The following MAP3K13 variants were observed in gnomAD, a reference collection of about 807,000 sequenced individuals.
The protein encoded by MAP3K13 is mitogen-activated protein kinase kinase kinase 13.
In MAP3K13, 52 loss-of-function variants were observed where a neutral mutation model predicts 104.0. That is an observed-to-expected ratio of 0.50 (90% CI 0.40 to 0.63). The LOEUF is 0.63. Ranked by LOEUF, MAP3K13 falls within the 20% of genes least tolerant of loss-of-function variation. MAP3K13 has a pLI of 0.00. For synonymous variants in MAP3K13, 394 were observed against 442.2 expected (o/e 0.89, Z 1.37); for missense variants, 914 against 1,218.5 (o/e 0.75, Z 3.72).
intron 2 of MAP3K13, among the ~76,000 whole-genome samples, chr3:185,350,246 C>T (rs773592248): frequency 6.6e-6 from 1 of 152,146 alleles, no homozygotes; most frequent in Non-Finnish European, 1.5e-5. Flanking sequence ...AGTGCAGTGG[C>T]GCGATCTCGG....
At chr3:185,308,602 A>G (rs1453458385) in intron 2 of MAP3K13, among the ~76,000 whole-genome samples, 2 of 152,168 alleles carry the variant, frequency 1.3e-5, no homozygotes, top group Non-Finnish European at 2.9e-5. Flanking sequence ...TGCTGCAGTT[A>G]GCTGCTGAAC....
rs537765990 is a variant in MAP3K13 at position 185,376,173 on chromosome 3, TGTG to T, written c.-86+12808_-86+12810del. On this transcript the variant is annotated intron_variant, in intron 1 of 13. Coordinates refer to ENST00000265026, the MANE Select transcript of MAP3K13 (RefSeq NM_004721.5). ...GAGAGATACAGTCATGGGGGTCAGGTGTGGTATCCAGAATAATGTGTGAGGCTG... is the reference window on the plus strand; with the variant it reads ...GAGAGATACAGTCATGGGGGTCAGGTGTATCCAGAATAATGTGTGAGGCTG... Among the ~76,000 whole-genome samples, 21 of 151,908 alleles carry T rather than the reference TGTG, an allele frequency of 1.4e-4. No homozygotes were observed. In the South Asian group the frequency reaches 3.6e-3, roughly 26 times the overall value.
intron 7 of MAP3K13, among the ~76,000 whole-genome samples, chr3:185,455,171 G>GATATATATATATATATGAGAT (rs202038007): frequency 7.1e-5 from 2 of 28,102 alleles, no homozygotes; most frequent in Non-Finnish European, 1.5e-4. Context: ...ATATATATGA[G>GATATATATATATATATGAGAT]ATATATATGA....
intron 2 of MAP3K13, among the ~76,000 whole-genome samples, chr3:185,305,856 C>T (rs1394041434): frequency 3.9e-5 from 6 of 152,230 alleles, no homozygotes; most frequent in Admixed American, 6.5e-5. Flanking sequence ...GTTTGGGATA[C>T]AGTTGATCCT....
intron 7 of MAP3K13, among the ~76,000 whole-genome samples, chr3:185,456,262 TTAAA>T (rs1577592449): frequency 6.6e-6 from 1 of 152,120 alleles, no homozygotes; most frequent in East Asian, 1.9e-4. Context: ...AACTGTGTCT[TTAAA>T]TAGTCAGGCT....
chr3:185,380,022 C>T lies in MAP3K13; in HGVS notation c.-86+16654C>T, dbSNP rs994180643. On this transcript the variant is annotated intron_variant, in intron 1 of 13. Transcript: ENST00000265026. ...CCAACATGGTGAAACCCCATCTCAACTAAAAATACAAAAATTAGCCGGGCA... is the reference window on the plus strand; with the variant it reads ...CCAACATGGTGAAACCCCATCTCAATTAAAAATACAAAAATTAGCCGGGCA... 8.6e-5 allele frequency among the ~76,000 whole-genome samples: 13 copies of T among 152,042 alleles called. 1 individual carries two copies. The highest frequency in any genetic ancestry group is 2.4e-4 in the African/African-American group (10 of 41,442).
At chr3:185,400,614 G>A (rs1379289828) in intron 1 of MAP3K13, among the ~76,000 whole-genome samples, 1 of 152,176 alleles carries the variant, frequency 6.6e-6, no homozygotes, top group Non-Finnish European at 1.5e-5. Context: ...CAAATCGGAT[G>A]GGTGCTTTTC....
intron 2 of MAP3K13, among the ~76,000 whole-genome samples, chr3:185,296,468 A>G (rs1720922971): frequency 6.6e-6 from 1 of 152,132 alleles, no homozygotes. Context: ...TGCCTGGAAT[A>G]CCCTTGCCTT....
chr3:185,379,405 A>C (rs909635694), intron 1 of MAP3K13, among the ~76,000 whole-genome samples: 2 of 152,170 alleles, frequency 1.3e-5, no homozygotes, highest in Non-Finnish European at 2.9e-5. Context: ...AAGGAGAAAG[A>C]GGTTGAGGGA....
At chr3:185,455,561 TGA>T (rs1290339541) in intron 7 of MAP3K13, among the ~76,000 whole-genome samples, 19 of 17,924 alleles carry the variant, frequency 1.1e-3, no homozygotes, top group South Asian at 4.3e-3. Context: ...ATGATATATA[TGA>T]GATATATATG....
intron 2 of MAP3K13, among the ~76,000 whole-genome samples, chr3:185,342,440 G>A (rs1306566948): frequency 1.3e-5 from 2 of 151,956 alleles, no homozygotes; most frequent in African/African-American, 4.8e-5. Flanking sequence ...TTTATATAAA[G>A]AAACTCCAAG....
chr3:185,290,496 G>A (rs1269788357), intron 2 of MAP3K13, among the ~76,000 whole-genome samples: 1 of 152,164 alleles, frequency 6.6e-6, no homozygotes, highest in African/African-American at 2.4e-5. Flanking sequence ...GAAAGATTGT[G>A]ACATGGCACA....
chr3:185,285,037 T>TGC (rs1422668301), intron 1 of MAP3K13, among the ~76,000 whole-genome samples: 2 of 152,016 alleles, frequency 1.3e-5, no homozygotes, highest in African/African-American at 4.8e-5. Context: ...TACGGGTGTG[T>TGC]GTGTGTGTGT....
chr3:185,322,111 TTC>T (rs1399037699), intron 2 of MAP3K13, among the ~76,000 whole-genome samples: 1 of 152,198 alleles, frequency 6.6e-6, no homozygotes, highest in East Asian at 1.9e-4. Context: ...GCATTTTTCA[TTC>T]TGTTTCAATA....
chr3:185,461,316 C>T (rs529236336), intron 7 of MAP3K13, among the ~76,000 whole-genome samples: 3 of 152,092 alleles, frequency 2.0e-5, no homozygotes, highest in Non-Finnish European at 2.9e-5. Flanking sequence ...GTCAACCAAC[C>T]AACAGAAACT....
chr3:185,432,534 C>T (rs1714807190), intron 2 of MAP3K13, among the ~76,000 whole-genome samples: 1 of 151,632 alleles, frequency 6.6e-6, no homozygotes, highest in Non-Finnish European at 1.5e-5. Flanking sequence ...TGGTTGGACA[C>T]AAAACCTACT....
chr3:185,450,108 G>A lies in MAP3K13; in HGVS notation c.1169+50G>A, dbSNP rs1412656696. ...TAGGGAGGTCTCTAATGTGTATTTG[G>A]AGTAAATATCCTGGTGGTGGAAAGA... On this transcript the variant is annotated intron_variant, in intron 6 of 13. Transcript: ENST00000265026. The surrounding 1 kb of genome is among the most constrained non-coding windows in gnomAD (Gnocchi z 4.2). 2.7e-6 allele frequency: 4 copies of A among 1,472,932 alleles called. No individual in the cohort carries two copies. Among genetic ancestry groups the A allele is most frequent in the Non-Finnish European group, 3.6e-6 (4 of 1,102,152 alleles). The allele number at this position is 1,472,932 out of a possible 1,614,324, so 91.2% of individuals were successfully genotyped here.
chr3:185,402,945 A>G (rs1192918276), intron 1 of MAP3K13, among the ~76,000 whole-genome samples: 1 of 152,138 alleles, frequency 6.6e-6, no homozygotes, highest in Non-Finnish European at 1.5e-5. Context: ...GGCCCAGGAG[A>G]CAAAACGTCC....
chr3:185,312,166 C>A (rs1265414420), intron 2 of MAP3K13, among the ~76,000 whole-genome samples: 1 of 152,200 alleles, frequency 6.6e-6, no homozygotes, highest in African/African-American at 2.4e-5. Context: ...TGAAAACTGA[C>A]TAACCTTTGC....
Sources: allele counts gnomAD v4.1 joint callset (sites outside exome capture counted in the v4.1 genomes callset), GRCh38; gene constraint gnomAD v4.1.1; non-coding constraint Gnocchi (gnomAD v3.1); transcripts MANE v1.5; gene names NCBI Gene and HGNC (gene_info 2026-07-23, HGNC 2026-07-21).